The following LEKR1 variants were observed in gnomAD, a reference collection of about 807,000 sequenced individuals.
LEKR1 encodes the protein leucine, glutamate and lysine rich 1, also known as protein LEKR1.
LEKR1 carries 59 observed loss-of-function variants against 72.4 expected under a neutral mutation model. The observed-to-expected ratio is 0.82, with a 90% CI of 0.66 to 1.01. The LOEUF (loss-of-function observed/expected upper bound fraction) is 1.01. Ranked by LOEUF, LEKR1 falls within the 50% of genes least tolerant of loss-of-function variation. The probability of loss-of-function intolerance (pLI) is 0.00; values close to 1 mark genes in which losing one functional copy is unlikely to be tolerated. For missense variants in LEKR1, 728 were observed against 759.2 expected (o/e 0.96, Z 0.48); for synonymous variants, 257 against 263.2 (o/e 0.98, Z 0.23).
intron 5 of LEKR1, among the ~76,000 whole-genome samples, chr3:156,940,111 AGCTTTGCTCAGCAAT>A (rs1471163781): frequency 2.0e-5 from 3 of 152,146 alleles, no homozygotes; most frequent in African/African-American, 7.2e-5. Flanking sequence ...ACGATTTAGA[AGCTTTGCTCAGCAAT>A]GCCTTTACTA....
chr3:156,877,165 T>G (rs1322074060), intron 3 of LEKR1, among the ~76,000 whole-genome samples: 1 of 152,236 alleles, frequency 6.6e-6, no homozygotes. Context: ...ATATGAAACC[T>G]AATTGATCAT....
At chr3:156,985,655 G>A (rs1392687556) in intron 7 of LEKR1, among the ~76,000 whole-genome samples, 1 of 152,036 alleles carries the variant, frequency 6.6e-6, no homozygotes, top group Non-Finnish European at 1.5e-5. Flanking sequence ...CCACCATGGT[G>A]AAACCCTGTC....
rs568423138 is a variant in LEKR1, at chr3:156,947,764, C to A, written c.745+5050C>A. Among the ~76,000 whole-genome samples, 3 of 151,256 alleles carry A rather than the reference C, an allele frequency of 2.0e-5. 1 individual carries two copies. The South Asian group carries it at 6.2e-4, about 31-fold the overall frequency. The stretch of plus-strand genomic sequence containing the variant: ...TTCTGTTCCACTAATTTATTTGACG[C>A]ACCATTAATATTACATTGATTTGAA... On this transcript the variant is annotated intron_variant, in intron 6 of 12. Transcript: ENST00000356539.
intron 3 of LEKR1, among the ~76,000 whole-genome samples, chr3:156,883,253 C>G (rs548156538): frequency 7.9e-5 from 12 of 152,284 alleles, no homozygotes; most frequent in Middle Eastern, 6.8e-3. Context: ...GCCCATTTTC[C>G]CCATTTGGAA....
intron 9 of LEKR1, among the ~76,000 whole-genome samples, chr3:156,999,048 G>A (rs1731810599): frequency 6.6e-6 from 1 of 152,052 alleles, no homozygotes; most frequent in Admixed American, 6.6e-5. Context: ...TTTATAAGGG[G>A]CTTTTCCCCC....
intron 9 of LEKR1, among the ~76,000 whole-genome samples, chr3:157,007,447 G>T (rs1456424699): frequency 6.6e-6 from 1 of 152,236 alleles, no homozygotes; most frequent in Non-Finnish European, 1.5e-5. Flanking sequence ...GTCCAAGCAA[G>T]AAATGTTCCC....
chr3:157,037,996 A>C (rs1735084566), intron 12 of LEKR1, among the ~76,000 whole-genome samples: 1 of 152,240 alleles, frequency 6.6e-6, no homozygotes, highest in Admixed American at 6.5e-5. Flanking sequence ...GCCAGTTCAC[A>C]TGGAGTCTTC....
chr3:157,045,643 G>C lies in LEKR1; in HGVS notation c.1972G>C (p.Val658Leu), dbSNP rs755091295. The C allele has an allele frequency of 1.2e-6, 2 of 1,614,054 alleles. No homozygotes were observed. The highest frequency in any genetic ancestry group is 2.2e-5 in the South Asian group (2 of 91,088). The change falls in exon 13 of 13, where the codon GTG (valine) becomes CTG (leucine). Residue 658 changes from valine to leucine, a missense_variant. Coordinates refer to ENST00000356539, the MANE Select transcript of LEKR1 (RefSeq NM_001004316.3). Reference sequence around the variant, plus strand: ...TAAGCCGAAGAGGGTTAGATCAGGCGTGCCCATTCTCCCCCAGCCACATCC... The same window carrying C: ...TAAGCCGAAGAGGGTTAGATCAGGCCTGCCCATTCTCCCCCAGCCACATCC... ...SDKPKRVRSGVPILPQPHPPR... is the reference protein window; with the variant it reads ...SDKPKRVRSGLPILPQPHPPR...
chr3:156,918,059 G>T (rs1393397841), intron 3 of LEKR1, among the ~76,000 whole-genome samples: 1 of 152,028 alleles, frequency 6.6e-6, no homozygotes, highest in Admixed American at 6.6e-5. Context: ...AAGAAGAAAA[G>T]GAGACAATTT....
Position 156,852,872 on chromosome 3 carries a change from G to A in LEKR1, c.153G>A (p.Met51Ile). The A allele has an allele frequency of 6.5e-7, 1 of 1,534,592 alleles. No individual in the cohort carries two copies. Among genetic ancestry groups the A allele is most frequent in the Non-Finnish European group, 8.7e-7 (1 of 1,144,930 alleles). The change falls in exon 3 of 13, where the codon ATG becomes ATA. Residue 51 changes from methionine (M) to isoleucine (I), a missense_variant. By Grantham distance (10) the Met-to-Ile change is conservative. Transcript: ENST00000356539. ...AAGTGAAAGCAATGGAAAAAGAGATGAAATTTTATCAAGGAAGTGTAGATC... is the reference window on the plus strand; with the variant it reads ...AAGTGAAAGCAATGGAAAAAGAGATAAAATTTTATCAAGGAAGTGTAGATC... ...EEKVKAMEKE[M>I]KFYQGSVDRE...
At chr3:157,018,960 A>G (rs1442644087) in intron 10 of LEKR1, among the ~76,000 whole-genome samples, 1 of 152,256 alleles carries the variant, frequency 6.6e-6, no homozygotes, top group Admixed American at 6.5e-5. Flanking sequence ...CTTAGCATTC[A>G]TTTTTTAACT....
At chr3:156,932,955 G>A (rs964034116) in intron 5 of LEKR1, among the ~76,000 whole-genome samples, 6 of 151,448 alleles carry the variant, frequency 4.0e-5, no homozygotes, top group East Asian at 3.9e-4. Flanking sequence ...GCGTGAACCC[G>A]GGAGGCAGAG....
chr3:156,934,857 A>G (rs1216390744), intron 5 of LEKR1, among the ~76,000 whole-genome samples: 4 of 152,150 alleles, frequency 2.6e-5, no homozygotes, highest in Non-Finnish European at 5.9e-5. Context: ...AAATATAGTC[A>G]TGCCAATTAA....
chr3:156,998,435 T>A (rs1731750510), intron 9 of LEKR1, among the ~76,000 whole-genome samples: 1 of 152,202 alleles, frequency 6.6e-6, no homozygotes, highest in Non-Finnish European at 1.5e-5. Context: ...GAACACACAC[T>A]GTTTATAATA....
intron 5 of LEKR1, among the ~76,000 whole-genome samples, chr3:156,932,064 TG>T (rs1309209370): frequency 6.6e-6 from 1 of 152,196 alleles, no homozygotes; most frequent in Non-Finnish European, 1.5e-5. Context: ...TATTTATGTC[TG>T]TAACTCACCT....
At chr3:156,880,807 C>G (rs1719216667) in intron 3 of LEKR1, among the ~76,000 whole-genome samples, 1 of 152,196 alleles carries the variant, frequency 6.6e-6, no homozygotes, top group Non-Finnish European at 1.5e-5. Flanking sequence ...CCACCATAAT[C>G]AAGTGGGCTT....
At chr3:156,999,633 G>A (rs995063250) in intron 9 of LEKR1, among the ~76,000 whole-genome samples, 2 of 152,138 alleles carry the variant, frequency 1.3e-5, no homozygotes, top group African/African-American at 4.8e-5. Flanking sequence ...CCAGAGGAAG[G>A]GATTCACTTT....
chr3:156,946,613 C>T (rs1374889619), intron 6 of LEKR1, among the ~76,000 whole-genome samples: 3 of 151,250 alleles, frequency 2.0e-5, no homozygotes, highest in Non-Finnish European at 3.0e-5. Context: ...AGATATGTTC[C>T]TTCTATACCC....
chr3:156,941,806 A>G (rs1325851021), intron 5 of LEKR1, among the ~76,000 whole-genome samples: 1 of 152,070 alleles, frequency 6.6e-6, no homozygotes, highest in Non-Finnish European at 1.5e-5. Flanking sequence ...GAAAAGACTG[A>G]TGAACAGGGA....
Sources: allele counts gnomAD v4.1 joint callset (sites outside exome capture counted in the v4.1 genomes callset), GRCh38; gene constraint gnomAD v4.1.1; transcripts MANE v1.5; gene names NCBI Gene and HGNC (gene_info 2026-07-23, HGNC 2026-07-21).